Variants in PHTF2 observed in about 807,000 individuals in gnomAD.
The protein encoded by PHTF2 is putative homeodomain transcription factor 2, also known as protein PHTF2.
A neutral mutation model predicts 101.2 loss-of-function variants in PHTF2; 60 were observed. The observed-to-expected ratio is 0.59, with a 90% CI of 0.48 to 0.73. The LOEUF is 0.73. Ranked by LOEUF, PHTF2 falls within the 30% of genes least tolerant of loss-of-function variation. The pLI is 0.00. For missense variants in PHTF2, 747 were observed against 908.7 expected (o/e 0.82, Z 2.29); for synonymous variants, 311 against 307.3 (o/e 1.01, Z -0.13).
exon 17 of PHTF2, chr7:77,949,708 T>C: frequency 6.3e-7 from 1 of 1,576,862 alleles, no homozygotes; most frequent in Non-Finnish European, 8.7e-7. Flanking sequence ...CTTCCTTGAT[T>C]GTCACTACAA....
In PHTF2 at chr7:77,810,149, A is replaced by G. The variant is rs1037900859; in HGVS notation, c.-36+11178A>G. Reference sequence around the variant, plus strand: ...ATTACCTGTATTTTAACATTTCACTATATTTGCTTTATCATTTTCTTTCTC... The same window carrying G: ...ATTACCTGTATTTTAACATTTCACTGTATTTGCTTTATCATTTTCTTTCTC... On this transcript the variant is annotated intron_variant, in intron 1 of 19. Transcript: ENST00000416283. 4.6e-5 allele frequency among the ~76,000 whole-genome samples: 7 copies of G among 152,168 alleles called. No homozygotes were observed. The East Asian group carries it at 1.3e-3, about 29-fold the overall frequency.
intron 1 of PHTF2, among the ~76,000 whole-genome samples, chr7:77,816,426 A>T (rs757241049): frequency 2.0e-5 from 3 of 152,190 alleles, no homozygotes; most frequent in Non-Finnish European, 4.4e-5. Flanking sequence ...TCCAGGACAG[A>T]TACATGTTTC....
chr7:77,835,109 C>T (rs868825093), intron 1 of PHTF2, among the ~76,000 whole-genome samples: 42 of 152,016 alleles, frequency 2.8e-4, no homozygotes, highest in Non-Finnish European at 4.4e-4. Context: ...CCTGTCTCTA[C>T]TAAAAATACC....
At chr7:77,935,214 C>CTT (rs1158677069) in intron 12 of PHTF2, among the ~76,000 whole-genome samples, 675 of 59,294 alleles carry the variant, frequency 0.011, 91 homozygotes, top group African/African-American at 0.024. Context: ...GTAATTTACC[C>CTT]TTTTTTTTTT....
intron 16 of PHTF2, among the ~76,000 whole-genome samples, chr7:77,946,006 A>T (rs1267547350): frequency 6.6e-6 from 1 of 152,202 alleles, no homozygotes; most frequent in Non-Finnish European, 1.5e-5. Flanking sequence ...AGTACCATAG[A>T]GCTAGTATGA....
rs879767943 is a variant in PHTF2 at position 77,932,605 on chromosome 7, AGAGAGAGAGAGAGAGAGTGT to A, written c.1338+3280_1338+3299del. On this transcript the variant is annotated intron_variant, in intron 12 of 19. Coordinates refer to ENST00000416283, the Ensembl canonical transcript of PHTF2. ...AAGAGGAAGAGAGAGAGAGAGAAAG[AGAGAGAGAGAGAGAGAGTGT>A]GTGTGTGTGTGTGTGTGTGTGTGTG... Among the ~76,000 whole-genome samples the A allele has an allele frequency of 2.3e-3, 171 of 74,568 alleles. 1 individual carries two copies. Among genetic ancestry groups the A allele is most frequent in the East Asian group, 0.01 (18 of 1,774 alleles). 48.9% of individuals were successfully genotyped at this position (74,568 alleles called of 152,430 possible). A position where few individuals can be genotyped will look rare whatever the true frequency, so the allele number is the denominator to read the frequency against.
chr7:77,903,377 A>G (rs540061223), intron 7 of PHTF2, among the ~76,000 whole-genome samples: 1 of 152,330 alleles, frequency 6.6e-6, no homozygotes, highest in Non-Finnish European at 1.5e-5. Context: ...CTTTATTTGA[A>G]TGTGGTCAGA....
chr7:77,890,416 A>G (rs541552284), intron 3 of PHTF2, among the ~76,000 whole-genome samples: 1 of 152,284 alleles, frequency 6.6e-6, no homozygotes, highest in East Asian at 1.9e-4. Context: ...ACATGTATCT[A>G]CACATTCACT....
intron 9 of PHTF2, among the ~76,000 whole-genome samples, chr7:77,917,920 T>G (rs1014750871): frequency 2.0e-5 from 3 of 152,156 alleles, no homozygotes; most frequent in Admixed American, 1.3e-4. Context: ...CTACTACAGC[T>G]TAGTAAATTA....
intron 3 of PHTF2, among the ~76,000 whole-genome samples, chr7:77,871,189 C>T (rs1454236933): frequency 1.3e-5 from 2 of 152,114 alleles, no homozygotes; most frequent in Non-Finnish European, 2.9e-5. Context: ...CATTTGTAGT[C>T]CTGCCTGAAT....
intron 1 of PHTF2, among the ~76,000 whole-genome samples, chr7:77,799,197 C>G (rs1792319371): frequency 6.6e-6 from 1 of 152,136 alleles, no homozygotes; most frequent in African/African-American, 2.4e-5. Context: ...CGGCCGGTGG[C>G]GGAGGCTCAG....
chr7:77,944,430 T>C (rs1041666154), intron 16 of PHTF2, among the ~76,000 whole-genome samples: 3 of 152,206 alleles, frequency 2.0e-5, no homozygotes, highest in African/African-American at 7.2e-5. Context: ...CTTCTAAGAA[T>C]ATATAATTAT....
intron 1 of PHTF2, among the ~76,000 whole-genome samples, chr7:77,818,909 A>G (rs988094702): frequency 2.0e-5 from 3 of 152,148 alleles, no homozygotes; most frequent in African/African-American, 7.2e-5. Flanking sequence ...TATCCTCTTC[A>G]GTTTCTTTAA....
intron 1 of PHTF2, among the ~76,000 whole-genome samples, chr7:77,806,500 AT>A (rs1407350146): frequency 2.6e-5 from 4 of 152,108 alleles, no homozygotes; most frequent in Non-Finnish European, 5.9e-5. Context: ...TAGTGTTAAC[AT>A]GATATTTTTT....
chr7:77,869,364 A>G (rs1243373131), intron 3 of PHTF2, among the ~76,000 whole-genome samples: 1 of 152,156 alleles, frequency 6.6e-6, no homozygotes, highest in Non-Finnish European at 1.5e-5. Context: ...ACTAGAACTT[A>G]ATTCTTTCTA....
rs546501764 is a variant in PHTF2, at chr7:77,876,679, G to T, written c.148-16929G>T. On this transcript the variant is annotated intron_variant, in intron 3 of 19. Transcript: ENST00000416283. The stretch of plus-strand genomic sequence containing the variant: ...AGGGCAAAGAGGAAGGATCACTTGC[G>T]CCCAGGAGTTCAAGACCAGCCTGGG... 2.3e-4 allele frequency among the ~76,000 whole-genome samples: 35 copies of T among 152,150 alleles called. No homozygotes were observed. The East Asian group carries it at 6.6e-3, about 29-fold the overall frequency.
Position 77,856,638 on chromosome 7 carries a change from T to G in PHTF2, c.147+1804T>G, listed in dbSNP as rs539754213. Among the ~76,000 whole-genome samples, 19 of 152,278 alleles carry G rather than the reference T, an allele frequency of 1.2e-4. 1 individual carries two copies. In the South Asian group the frequency reaches 3.9e-3, roughly 32 times the overall value. On this transcript the variant is annotated intron_variant, in intron 3 of 19. Coordinates refer to ENST00000416283, the Ensembl canonical transcript of PHTF2. ...AGCTACCATACCTGGCTTAAAAGTA[T>G]TTTTTAAAAATGGGTGGTTTTGTTT...
intron 1 of PHTF2, among the ~76,000 whole-genome samples, chr7:77,812,780 G>A (rs1358423677): frequency 6.6e-6 from 1 of 151,974 alleles, no homozygotes; most frequent in Non-Finnish European, 1.5e-5. Context: ...TAGTAGAGAT[G>A]GGGTTTCACT....
At chr7:77,943,700 T>C (rs1309557196) in intron 16 of PHTF2, among the ~76,000 whole-genome samples, 1 of 152,088 alleles carries the variant, frequency 6.6e-6, no homozygotes, top group Non-Finnish European at 1.5e-5. Context: ...ATGTACTAGA[T>C]TATCTGAAAA....
Sources: allele counts gnomAD v4.1 joint callset (sites outside exome capture counted in the v4.1 genomes callset), GRCh38; gene constraint gnomAD v4.1.1; transcripts MANE v1.5; gene names NCBI Gene and HGNC (gene_info 2026-07-23, HGNC 2026-07-21).